DNAAF5: variants seen among roughly 807,000 people sequenced by gnomAD.
The protein encoded by DNAAF5 is dynein axonemal assembly factor 5.
In DNAAF5, 64 loss-of-function variants were observed where a neutral mutation model predicts 75.8. The ratio of observed to expected loss-of-function variants is 0.84; its 90% CI spans 0.69 to 1.04. The LOEUF (loss-of-function observed/expected upper bound fraction) is 1.04, where lower values mean the gene tolerates loss of function less well. Ranked by LOEUF, DNAAF5 falls within the 50% of genes least tolerant of loss-of-function variation. The pLI, the probability that DNAAF5 is intolerant of heterozygous loss-of-function variation, is 0.00. For missense variants in DNAAF5, 1,269 were observed against 1,178.5 expected, an observed-to-expected ratio of 1.08 and a Z score of -1.12; for synonymous variants, 657 against 557.2, an observed-to-expected ratio of 1.18 and a Z score of -2.52.
At chr7:769,540 C>A (rs535931772) in intron 8 of DNAAF5, among the ~76,000 whole-genome samples, 195 of 152,068 alleles carry the variant, frequency 1.3e-3, no homozygotes, top group Non-Finnish European at 2.0e-3. Flanking sequence ...AGGGCTGCAA[C>A]GCTGAGAAGC....
At chr7:773,411 CTAA>C (rs764709221) in intron 9 of DNAAF5, among the ~76,000 whole-genome samples, 3 of 152,130 alleles carry the variant, frequency 2.0e-5, no homozygotes, top group East Asian at 1.9e-4. Context: ...TGGGATGTCA[CTAA>C]TGAGTGTGTC....
intron 6 of DNAAF5, 55 bp from the exon 7 acceptor site, chr7:761,698 G>A (rs1056886906): frequency 3.3e-6 from 5 of 1,536,956 alleles, no homozygotes; most frequent in Admixed American, 2.0e-5. Flanking sequence ...TGGGATTCGG[G>A]TGGGGACACG....
At chr7:749,734 C>T (rs1043228995) in intron 4 of DNAAF5, among the ~76,000 whole-genome samples, 1 of 152,132 alleles carries the variant, frequency 6.6e-6, no homozygotes. Flanking sequence ...CTTGCTCTGT[C>T]ACCCAGGCTG....
At chr7:779,877 C>T in intron 11 of DNAAF5, 76 bp from the exon 12 acceptor site, 1 of 1,322,434 alleles carries the variant, frequency 7.6e-7, no homozygotes, top group Non-Finnish European at 1.1e-6. Context: ...GGAGTATGAA[C>T]TAAATGCCTT....
At chr7:784,146 C>G (rs1376304744) in intron 12 of DNAAF5, among the ~76,000 whole-genome samples, 1 of 152,166 alleles carries the variant, frequency 6.6e-6, no homozygotes, top group Non-Finnish European at 1.5e-5. Context: ...CCTGCCTGCA[C>G]CTCTGAGCAG....
At chr7:763,392 C>T (rs777553995) in intron 7 of DNAAF5, among the ~76,000 whole-genome samples, 21 of 152,154 alleles carry the variant, frequency 1.4e-4, no homozygotes, top group Non-Finnish European at 2.4e-4. Flanking sequence ...TCTGTCTGCC[C>T]AGTTACTTTT....
At chr7:749,375 G>A (rs1025885178) in intron 4 of DNAAF5, among the ~76,000 whole-genome samples, 3 of 152,140 alleles carry the variant, frequency 2.0e-5, no homozygotes. Flanking sequence ...GTGAGTGGCC[G>A]GCCAGAGCTT....
At position 780,242 on chromosome 7, in the gene DNAAF5, G is replaced by C. The variant is rs1019111527; in HGVS notation, c.2431+98G>C. ...CCGTGTGACCGGCCACAGGGCCCTG[G>C]GGCACAGGAGGGGCCTCAGCTCCGG... On this transcript the variant is annotated intron_variant, in intron 12 of 12. Coordinates refer to ENST00000297440, the MANE Select transcript of DNAAF5 (RefSeq NM_017802.4). The C allele has an allele frequency of 5.5e-6, 6 of 1,094,174 alleles. No individual in the cohort carries two copies. The African/African-American group carries it at 6.2e-5, about 11-fold the overall frequency. The allele number at this position is 1,094,174 out of a possible 1,614,324, so 67.8% of individuals were successfully genotyped here.
intron 11 of DNAAF5, among the ~76,000 whole-genome samples, chr7:775,515 T>G (rs962683930): frequency 7.2e-5 from 2 of 27,710 alleles, no homozygotes; most frequent in African/African-American, 4.5e-4. Context: ...AGTAGGGGTG[T>G]GTGTGTGTGT....
intron 9 of DNAAF5, chr7:772,982 TA>T (rs1436226811): frequency 6.8e-6 from 1 of 147,720 alleles, no homozygotes; most frequent in Admixed American, 6.7e-5. Context: ...AAAAAAAATT[TA>T]AAAAAACCTA....
At chr7:748,595 A>T (rs772231968) in intron 4 of DNAAF5, among the ~76,000 whole-genome samples, 1 of 152,192 alleles carries the variant, frequency 6.6e-6, no homozygotes, top group East Asian at 1.9e-4. Context: ...GAGCTCCGGC[A>T]GCTGCCGCCC....
Position 736,800 on chromosome 7 carries a change from C to G in DNAAF5, c.781-4019C>G, listed in dbSNP as rs947010165. ...CCTTCCTTCTTGCCTTCTTGTTTTCCTTTTTATGAAGATGATTTTCTCTGG... is the reference window on the plus strand; with the variant it reads ...CCTTCCTTCTTGCCTTCTTGTTTTCGTTTTTATGAAGATGATTTTCTCTGG... On this transcript the variant is annotated intron_variant, in intron 2 of 12. Coordinates refer to ENST00000297440, the MANE Select transcript of DNAAF5 (RefSeq NM_017802.4). Among the ~76,000 whole-genome samples the G allele has an allele frequency of 2.6e-5, 4 of 151,936 alleles. No individual in the cohort carries two copies. The East Asian group carries it at 7.7e-4, about 29-fold the overall frequency.
chr7:732,655 A>G (rs542986085), intron 2 of DNAAF5: 11 of 455,648 alleles, frequency 2.4e-5, no homozygotes, highest in African/African-American at 1.0e-4. Flanking sequence ...AGAAATGTCT[A>G]TTCAGATCTG....
chr7:747,786 C>G (rs375615680), intron 4 of DNAAF5, among the ~76,000 whole-genome samples: 21 of 11,144 alleles, frequency 1.9e-3, no homozygotes, highest in Admixed American at 3.1e-3. Flanking sequence ...TTGCTGGTTT[C>G]AGCGTGTCCG....
chr7:770,429 C>T (rs775929132), intron 8 of DNAAF5, 42 bp from the exon 9 acceptor site: 3 of 1,584,770 alleles, frequency 1.9e-6, no homozygotes, highest in South Asian at 1.2e-5. Flanking sequence ...CTCCTCCCGT[C>T]TCCTGAGGGC....
chr7:752,663 C>T (rs902615866), intron 4 of DNAAF5, among the ~76,000 whole-genome samples: 6 of 151,840 alleles, frequency 4.0e-5, no homozygotes, highest in East Asian at 1.9e-4. Flanking sequence ...GACCGTGGGC[C>T]GGGCCACGCT....
chr7:764,091 G>T, intron 8 of DNAAF5, 117 bp downstream of exon 8: 1 of 1,159,222 alleles, frequency 8.6e-7, no homozygotes, highest in South Asian at 1.4e-5. Context: ...TCACTGAAGC[G>T]TGTTGTTAAA....
intron 2 of DNAAF5, among the ~76,000 whole-genome samples, chr7:733,557 T>C (rs1375031273): frequency 1.3e-5 from 2 of 152,152 alleles, no homozygotes; most frequent in Non-Finnish European, 2.9e-5. Flanking sequence ...AGTGCAGTGG[T>C]GCGATCTCTG....
rs776506185 is a variant in DNAAF5 at position 754,803 on chromosome 7, G to A, written c.1239G>A (p.Glu413=). The part of the protein sequence containing the change: ...RTLFQACTDE[E]AAVVQSCTRS... ...TGTTCCAGGCCTGCACCGACGAGGA[G>A]GCAGCCGTGGTCCAAAGTGTAAGTG... is the stretch of plus-strand genomic sequence containing the variant. Residue 413 remains glutamate (E), a synonymous_variant, in exon 5 of 13, where the codon GAG becomes GAA. Coordinates refer to ENST00000297440, the MANE Select transcript of DNAAF5 (RefSeq NM_017802.4). The surrounding 1 kb of genome is among the most constrained non-coding windows in gnomAD (Gnocchi z 4.8). 6.2e-7 allele frequency: 1 copy of A among 1,605,466 alleles called. No individual in the cohort carries two copies. The highest frequency in any genetic ancestry group is 1.1e-5 in the South Asian group (1 of 90,802).
Sources: allele counts gnomAD v4.1 joint callset (sites outside exome capture counted in the v4.1 genomes callset), GRCh38; gene constraint gnomAD v4.1.1; non-coding constraint Gnocchi (gnomAD v3.1); transcripts MANE v1.5; gene names NCBI Gene and HGNC (gene_info 2026-07-23, HGNC 2026-07-21).